MPDZ: variants seen among roughly 807,000 people sequenced by gnomAD.
The protein encoded by MPDZ is multiple PDZ domain crumbs cell polarity complex component.
A neutral mutation model predicts 239.1 loss-of-function variants in MPDZ; 234 were observed. That is an observed-to-expected ratio of 0.98 (90% CI 0.88 to 1.09). The LOEUF (loss-of-function observed/expected upper bound fraction) is 1.09, where lower values mean the gene tolerates loss of function less well. Among genes scored for constraint, MPDZ ranks in the 50% least tolerant of loss-of-function variants. The pLI is 0.00. For missense variants in MPDZ, 3,175 were observed against 2,510.0 expected, an observed-to-expected ratio of 1.26 and a Z score of -5.66; for synonymous variants, 1,048 against 881.3, an observed-to-expected ratio of 1.19 and a Z score of -3.35.
intron 1 of MPDZ, among the ~76,000 whole-genome samples, chr9:13,251,529 T>C (rs375078525): frequency 4.9e-4 from 74 of 152,320 alleles, no homozygotes; most frequent in African/African-American, 1.7e-3. Flanking sequence ...CCCTGAATCA[T>C]GAGGAAGACA....
At chr9:13,128,651 C>A (rs1030570961) in intron 32 of MPDZ, among the ~76,000 whole-genome samples, 1 of 152,172 alleles carries the variant, frequency 6.6e-6, no homozygotes, top group Non-Finnish European at 1.5e-5. Context: ...GGGGTTTGAA[C>A]AACTGAAGTC....
intron 12 of MPDZ, among the ~76,000 whole-genome samples, chr9:13,201,504 G>A (rs1956386287): frequency 6.6e-6 from 1 of 151,944 alleles, no homozygotes; most frequent in Non-Finnish European, 1.5e-5. Flanking sequence ...CCTTAAATGT[G>A]CTTTCTAGGC....
In MPDZ at chr9:13,176,284, C is replaced by T. The variant is rs760156183; in HGVS notation, c.2783G>A (p.Gly928Asp). 1 of 1,610,224 alleles carries T rather than the reference C, an allele frequency of 6.2e-7. No individual in the cohort carries two copies. Among genetic ancestry groups the T allele is most frequent in the Non-Finnish European group, 8.5e-7 (1 of 1,178,014 alleles). ...AGGTGTGTAGTCATTTATAGTAAAG[C>T]CAGAAGCAGGCCCCATACTTATGTC... ...SVDISMGPAS[G>D]FTINDYTPAN... The change falls in exon 20 of 47, where the codon GGC (glycine) becomes GAC (aspartate). Residue 928 changes from glycine (G) to aspartate (D), a missense_variant. Transcript: ENST00000319217.
chr9:13,117,950 T>C (rs1401489509), intron 39 of MPDZ, among the ~76,000 whole-genome samples: 2 of 151,384 alleles, frequency 1.3e-5, no homozygotes, highest in African/African-American at 4.9e-5. Context: ...GTTCAGGCGA[T>C]TCTCCTGCCT....
intron 1 of MPDZ, among the ~76,000 whole-genome samples, chr9:13,255,706 C>T (rs552310898): frequency 3.3e-5 from 5 of 152,152 alleles, no homozygotes; most frequent in Non-Finnish European, 7.3e-5. Context: ...GTCTCAACAG[C>T]GGGCTTAAAA....
chr9:13,155,759 C>T (rs921735917), intron 24 of MPDZ, among the ~76,000 whole-genome samples: 14 of 152,154 alleles, frequency 9.2e-5, no homozygotes, highest in Non-Finnish European at 1.8e-4. Flanking sequence ...ATGTTCACAA[C>T]ACTAACTCCT....
intron 12 of MPDZ, among the ~76,000 whole-genome samples, chr9:13,197,801 A>G (rs1240780894): frequency 6.6e-6 from 1 of 151,852 alleles, no homozygotes; most frequent in Non-Finnish European, 1.5e-5. Context: ...CTCTATTTCC[A>G]GAAATCAACT....
chr9:13,247,243 GC>G (rs2137746063), intron 3 of MPDZ, among the ~76,000 whole-genome samples: 1 of 152,224 alleles, frequency 6.6e-6, no homozygotes, highest in East Asian at 1.9e-4. Flanking sequence ...GCAAATCCAC[GC>G]TTATCTGAAA....
chr9:13,209,359 C>T (rs907679482), intron 10 of MPDZ, among the ~76,000 whole-genome samples: 2 of 152,150 alleles, frequency 1.3e-5, no homozygotes, highest in Non-Finnish European at 1.5e-5. Context: ...CAGGCAAAAT[C>T]CCCCAGTGTG....
chr9:13,277,315 G>GA (rs200443975), intron 1 of MPDZ, among the ~76,000 whole-genome samples: 54 of 148,932 alleles, frequency 3.6e-4, no homozygotes, highest in Non-Finnish European at 6.7e-4. Flanking sequence ...AGGATCAAAG[G>GA]AAAAAAAAAG....
At chr9:13,113,796 C>A (rs1181331406) in intron 41 of MPDZ, 135 bp downstream of exon 41, 1 of 679,132 alleles carries the variant, frequency 1.5e-6, no homozygotes, top group Non-Finnish European at 2.5e-6. Flanking sequence ...AGACTTTTTG[C>A]TAACACGTGT....
intron 39 of MPDZ, among the ~76,000 whole-genome samples, chr9:13,118,622 G>A (rs1046575274): frequency 6.6e-6 from 1 of 152,026 alleles, no homozygotes; most frequent in Non-Finnish European, 1.5e-5. Context: ...AACACACTAG[G>A]TTAAAAAAAC....
rs1946677451 is a variant in MPDZ, at chr9:13,135,970, G to T, written c.4383+122C>A. ...ATACTAGGATGTACACTCCTTGAAGGCCAAGGCTATAACTTATCTACCTCT... is the reference window on the plus strand; with the variant it reads ...ATACTAGGATGTACACTCCTTGAAGTCCAAGGCTATAACTTATCTACCTCT... On this transcript the variant is annotated intron_variant, in intron 31 of 46. Transcript: ENST00000319217. 7.7e-6 allele frequency: 5 copies of T among 648,062 alleles called. No individual in the cohort carries two copies. In the Admixed American group the frequency reaches 1.1e-4, roughly 14 times the overall value. The allele number at this position is 648,062 out of a possible 1,614,324, so 40.1% of individuals were successfully genotyped here. A position where few individuals can be genotyped will look rare whatever the true frequency, so the allele number is the denominator to read the frequency against.
intron 41 of MPDZ, 151 bp downstream of exon 41, chr9:13,113,780 T>C: frequency 3.2e-6 from 2 of 628,136 alleles, no homozygotes; most frequent in Non-Finnish European, 5.5e-6. Flanking sequence ...GAACTTCATG[T>C]TGTTCAGACT....
chr9:13,123,846 T>G (rs770639126), intron 35 of MPDZ, among the ~76,000 whole-genome samples: 1 of 152,212 alleles, frequency 6.6e-6, no homozygotes, highest in Non-Finnish European at 1.5e-5. Context: ...ATGTAATCAA[T>G]TCTGAGCAAA....
Position 13,119,539 on chromosome 9 carries a change from C to T in MPDZ, c.5342G>A (p.Arg1781His), listed in dbSNP as rs200405913. 2.3e-4 allele frequency: 374 copies of T among 1,613,184 alleles called. No individual in the cohort carries two copies. The highest frequency in any genetic ancestry group is 5.9e-4 in the African/African-American group (44 of 75,032). Residue 1781 changes from arginine (R) to histidine (H), a missense_variant, in exon 39 of 47, where the codon CGT becomes CAT. Transcript: ENST00000319217. ...GGCAACCGCTTCTTGGGTGGCATTACGAACGTCTTCCCCATTCACCATTAA... is the reference window on the plus strand; with the variant it reads ...GGCAACCGCTTCTTGGGTGGCATTATGAACGTCTTCCCCATTCACCATTAA... ...QILMVNGEDV[R>H]NATQEAVAAL...
chr9:13,119,871 AT>A, intron 38 of MPDZ: 1 of 551,754 alleles, frequency 1.8e-6, no homozygotes, highest in Non-Finnish European at 3.2e-6. Context: ...TCCAATAAGC[AT>A]ATTTATTCTT....
At position 13,219,549 on chromosome 9, in the gene MPDZ, A is replaced by G; in HGVS notation, c.1086+10T>C. 1 of 1,609,808 alleles carries G rather than the reference A, an allele frequency of 6.2e-7. No homozygotes were observed. Among genetic ancestry groups the G allele is most frequent in the Non-Finnish European group, 8.5e-7 (1 of 1,177,394 alleles). ...TCTGACTTTCACATTAACTACTCTT[A>G]ACTACTTACCCGCAACTCTGGTGTT... On this transcript the variant is annotated intron_variant, in intron 8 of 46. Transcript: ENST00000319217.
intron 3 of MPDZ, among the ~76,000 whole-genome samples, chr9:13,234,223 T>A (rs557808034): frequency 3.3e-4 from 50 of 152,212 alleles, no homozygotes; most frequent in African/African-American, 1.2e-3. Flanking sequence ...TTTGACCATA[T>A]AACAATATGA....
Sources: gnomAD v4.1 joint callset for allele counts (sites outside exome capture counted in the v4.1 genomes callset) on GRCh38, gnomAD v4.1.1 for gene constraint, MANE v1.5 for transcripts, NCBI Gene and HGNC (gene_info 2026-07-23, HGNC 2026-07-21) for gene names.